Variants in MGRN1 observed in about 807,000 individuals in gnomAD.
MGRN1 encodes mahogunin ring finger 1.
A neutral mutation model predicts 69.2 loss-of-function variants in MGRN1; 29 were observed. The observed-to-expected ratio is 0.42, with a 90% CI of 0.31 to 0.57. MGRN1 has a LOEUF of 0.57. Among genes scored for constraint, MGRN1 ranks in the 20% least tolerant of loss-of-function variants. The pLI is 0.15. For missense variants in MGRN1, 998 were observed against 796.2 expected, an observed-to-expected ratio of 1.25 and a Z score of -3.05; for synonymous variants, 470 against 344.2, an observed-to-expected ratio of 1.37 and a Z score of -4.04.
At chr16:4,686,010 C>G (rs1235639435) in intron 16 of MGRN1, among the ~76,000 whole-genome samples, 2 of 152,246 alleles carry the variant, frequency 1.3e-5, no homozygotes, top group Non-Finnish European at 2.9e-5. Context: ...TTCATGCGCC[C>G]TTCCCTAGGC....
chr16:4,625,442 G>A (rs995825343), intron 1 of MGRN1, among the ~76,000 whole-genome samples: 1 of 152,254 alleles, frequency 6.6e-6, no homozygotes, highest in Non-Finnish European at 1.5e-5. Flanking sequence ...CACCGCGGGG[G>A]CCGGCTTTCG....
intron 8 of MGRN1, among the ~76,000 whole-genome samples, chr16:4,669,735 T>G (rs2078897536): frequency 6.6e-6 from 1 of 152,186 alleles, no homozygotes; most frequent in African/African-American, 2.4e-5. Context: ...GAGACTTAGC[T>G]TGACTTCATC....
At chr16:4,673,804 G>A (rs143849942) in intron 10 of MGRN1, 147 bp downstream of exon 10, 8 of 1,098,194 alleles carry the variant, frequency 7.3e-6, no homozygotes, top group Admixed American at 2.7e-5. Flanking sequence ...GAACGTGGGC[G>A]TGTTGGCTGT....
chr16:4,681,617 C>T lies in MGRN1; in HGVS notation c.1199C>T (p.Ala400Val), dbSNP rs1330406029. ...SLLEALNGLR[A>V]VSPAIPSAPL... ...CTCGAGGCGCTCAACGGCCTCCGGG[C>T]TGTCTCCCCGGCCATCCCCTCGGCC... Residue 400 changes from alanine (A) to valine (V), a missense_variant, in exon 13 of 17, where the codon GCT (alanine) becomes GTT (valine). Ala to Val is a moderately conservative substitution (Grantham distance 64, BLOSUM62 0). Transcript: ENST00000262370. 1 of 1,613,506 alleles carries T rather than the reference C, an allele frequency of 6.2e-7. No homozygotes were observed. The highest frequency in any genetic ancestry group is 8.5e-7 in the Non-Finnish European group (1 of 1,180,012).
intron 8 of MGRN1, among the ~76,000 whole-genome samples, chr16:4,668,703 TAC>T (rs1265715622): frequency 6.7e-6 from 1 of 149,312 alleles, no homozygotes; most frequent in African/African-American, 2.5e-5. Flanking sequence ...CATACACACA[TAC>T]ACTCACACTC....
chr16:4,672,498 C>G (rs1202505235), intron 9 of MGRN1: 1 of 456,560 alleles, frequency 2.2e-6, no homozygotes, highest in Non-Finnish European at 4.4e-6. Context: ...CTGGCCGGGC[C>G]TCGCCTCAAC....
intron 1 of MGRN1, among the ~76,000 whole-genome samples, chr16:4,636,603 A>G (rs1207368130): frequency 1.3e-5 from 2 of 152,128 alleles, no homozygotes; most frequent in Non-Finnish European, 2.9e-5. Context: ...ACGAATTTGC[A>G]TGTCTGCAGG....
At chr16:4,672,558 G>A (rs991862049) in intron 9 of MGRN1, 7 of 430,944 alleles carry the variant, frequency 1.6e-5, no homozygotes, top group Non-Finnish European at 2.8e-5. Flanking sequence ...GGCCCACTTT[G>A]AGAAAAGGTT....
chr16:4,686,317 C>T (rs1490608009), intron 16 of MGRN1: 1 of 1,543,160 alleles, frequency 6.5e-7, no homozygotes, highest in East Asian at 2.4e-5. Flanking sequence ...CGTGACCTCC[C>T]AGACGCGCTT....
At chr16:4,670,278 T>A (rs912918851) in intron 8 of MGRN1, among the ~76,000 whole-genome samples, 1 of 152,200 alleles carries the variant, frequency 6.6e-6, no homozygotes, top group Admixed American at 6.5e-5. Flanking sequence ...AGTCTCACTC[T>A]GTCGCCGAGG....
intron 2 of MGRN1, 60 bp downstream of exon 2, chr16:4,650,543 A>C: frequency 7.5e-7 from 1 of 1,333,614 alleles, no homozygotes; most frequent in Non-Finnish European, 1.0e-6. Context: ...TGTCCCCAGC[A>C]GTCCGCATCC....
intron 1 of MGRN1, among the ~76,000 whole-genome samples, chr16:4,629,205 T>C (rs1418584674): frequency 6.8e-6 from 1 of 146,434 alleles, no homozygotes; most frequent in African/African-American, 2.5e-5. Context: ...AAGTGTCTAT[T>C]TGAGTCTTTT....
chr16:4,635,534 A>G (rs576927322), intron 1 of MGRN1, among the ~76,000 whole-genome samples: 1 of 151,680 alleles, frequency 6.6e-6, no homozygotes, highest in Admixed American at 6.6e-5. Context: ...TAGTGGCATG[A>G]TCTTAGCTCA....
intron 12 of MGRN1, chr16:4,680,476 C>G (rs1279893445): frequency 4.6e-6 from 1 of 218,162 alleles, no homozygotes; most frequent in African/African-American, 2.3e-5. Flanking sequence ...CTCCTTTACC[C>G]TGCGGGTTCG....
intron 1 of MGRN1, among the ~76,000 whole-genome samples, chr16:4,625,653 A>C (rs1464499247): frequency 6.6e-6 from 1 of 152,184 alleles, no homozygotes; most frequent in Non-Finnish European, 1.5e-5. Context: ...TGAGGGACGT[A>C]AGACACCAAG....
intron 7 of MGRN1, 113 bp downstream of exon 7, chr16:4,665,264 C>G: frequency 8.6e-7 from 1 of 1,159,880 alleles, no homozygotes; most frequent in South Asian, 1.4e-5. Context: ...GGCTGAGTGT[C>G]AAGGGCCCCG....
Position 4,677,589 on chromosome 16 carries a change from G to C in MGRN1, c.1065+17G>C, listed in dbSNP as rs2079081093. The C allele has an allele frequency of 6.3e-7, 1 of 1,596,934 alleles. No homozygotes were observed. Among genetic ancestry groups the C allele is most frequent in the Non-Finnish European group, 8.5e-7 (1 of 1,177,722 alleles). On this transcript the variant is annotated intron_variant, in intron 11 of 16. Transcript: ENST00000262370. Reference sequence around the variant, plus strand: ...GAGCACTCTGTAAGTGCCGCCTCCTGCCTGCGGGATGGGCGGGAGAGGGGC... The same window carrying C: ...GAGCACTCTGTAAGTGCCGCCTCCTCCCTGCGGGATGGGCGGGAGAGGGGC...
chr16:4,688,424 C>G (rs983706078), intron 16 of MGRN1: 7 of 1,043,468 alleles, frequency 6.7e-6, no homozygotes, highest in Non-Finnish European at 8.1e-6. Flanking sequence ...TCCACCCTAA[C>G]CCAGCCGTAA....
chr16:4,637,002 C>T (rs1018713585), intron 1 of MGRN1, among the ~76,000 whole-genome samples: 1 of 151,446 alleles, frequency 6.6e-6, no homozygotes, highest in South Asian at 2.1e-4. Flanking sequence ...GCCTGTAGTC[C>T]CAGCTACTTG....
Sources: allele counts gnomAD v4.1 joint callset (sites outside exome capture counted in the v4.1 genomes callset), GRCh38; gene constraint gnomAD v4.1.1; transcripts MANE v1.5; gene names NCBI Gene and HGNC (gene_info 2026-07-23, HGNC 2026-07-21).